The following LHFPL3 variants were observed in gnomAD, a reference collection of about 807,000 sequenced individuals.
LHFPL3 encodes LHFPL tetraspan subfamily member 3.
Under a neutral mutation model 19.3 loss-of-function variants are expected in LHFPL3, and 5 were observed. The ratio of observed to expected loss-of-function variants is 0.26; its 90% confidence interval spans 0.14 to 0.54. The LOEUF (loss-of-function observed/expected upper bound fraction) is 0.54, where lower values mean the gene tolerates loss of function less well. Among genes scored for constraint, LHFPL3 ranks in the 20% least tolerant of loss-of-function variants. The probability of loss-of-function intolerance (pLI) is 0.94; values close to 1 mark genes in which losing one functional copy is unlikely to be tolerated. For synonymous variants in LHFPL3, 133 were observed against 126.2 expected (o/e 1.05, Z -0.36); for missense variants, 249 against 307.4 (o/e 0.81, Z 1.42).
At position 104,328,903 on chromosome 7, in the gene LHFPL3, A is replaced by C; in HGVS notation, c.124A>C (p.Ile42Leu). Reference sequence around the variant, plus strand: ...GCGGGCCATCGGCGTGCTGTGGGCCATCTTCACCATCTGCTTTGCCATCGT... The same window carrying C: ...GCGGGCCATCGGCGTGCTGTGGGCCCTCTTCACCATCTGCTTTGCCATCGT... ...NSRAIGVLWA[I>L]FTICFAIVNV... The change falls in exon 1 of 3, where the codon ATC (isoleucine) becomes CTC (leucine). Residue 42 changes from isoleucine (I) to leucine (L), a missense_variant. Coordinates refer to ENST00000424859, the MANE Select transcript of LHFPL3 (RefSeq NM_199000.3). The surrounding 1 kb of genome is among the most constrained non-coding windows in gnomAD (Gnocchi z 4.6). 6.2e-7 allele frequency: 1 copy of C among 1,614,166 alleles called. No individual in the cohort carries two copies. The highest frequency in any genetic ancestry group is 8.5e-7 in the Non-Finnish European group (1 of 1,180,024).
At chr7:104,638,705 A>G (rs1433001573) in intron 1 of LHFPL3, among the ~76,000 whole-genome samples, 2 of 151,530 alleles carry the variant, frequency 1.3e-5, no homozygotes, top group East Asian at 1.9e-4. Context: ...ATTGATTTAC[A>G]TATGTTGAAC....
At chr7:104,439,493 A>G (rs1231862816) in intron 1 of LHFPL3, among the ~76,000 whole-genome samples, 1 of 152,204 alleles carries the variant, frequency 6.6e-6, no homozygotes, top group East Asian at 1.9e-4. Flanking sequence ...ATGATTTAAC[A>G]TTTAAAAATC....
rs183526229 is a variant in LHFPL3, at chr7:104,486,515, C to T, written c.445+157291C>T. 1.7e-4 allele frequency among the ~76,000 whole-genome samples: 26 copies of T among 152,272 alleles called. No homozygotes were observed. In the Middle Eastern group the frequency reaches 0.014, roughly 80 times the overall value. ...TGGTGATGCTTTCTGGCTGTGTCCT[C>T]ACATGGTGAGAGGAGTGAGGAGTCT... is the stretch of plus-strand genomic sequence containing the variant. On this transcript the variant is annotated intron_variant, in intron 1 of 2. Transcript: ENST00000424859.
At chr7:104,457,462 G>T (rs1792569825) in intron 1 of LHFPL3, among the ~76,000 whole-genome samples, 1 of 152,058 alleles carries the variant, frequency 6.6e-6, no homozygotes, top group Non-Finnish European at 1.5e-5. Context: ...TTTTATGGCT[G>T]CATAGTATTC....
At chr7:104,667,496 A>G (rs1468525217) in intron 1 of LHFPL3, among the ~76,000 whole-genome samples, 1 of 152,194 alleles carries the variant, frequency 6.6e-6, no homozygotes, top group Non-Finnish European at 1.5e-5. Context: ...TATAATTTAG[A>G]TTAGCTGCCC....
chr7:104,416,872 T>A (rs1791631958), intron 1 of LHFPL3, among the ~76,000 whole-genome samples: 1 of 152,160 alleles, frequency 6.6e-6, no homozygotes, highest in African/African-American at 2.4e-5. Flanking sequence ...TCTTGCTGCA[T>A]CATCCCATGG....
At chr7:104,569,803 C>A (rs144972396) in intron 1 of LHFPL3, among the ~76,000 whole-genome samples, 49 of 152,242 alleles carry the variant, frequency 3.2e-4, no homozygotes, top group African/African-American at 1.2e-3. Flanking sequence ...TGCTGAGTAA[C>A]TTGCCCCAGG....
At chr7:104,358,520 G>C (rs981247459) in intron 1 of LHFPL3, among the ~76,000 whole-genome samples, 4 of 152,174 alleles carry the variant, frequency 2.6e-5, no homozygotes, top group Non-Finnish European at 2.9e-5. Flanking sequence ...TGAGATGTAA[G>C]TTGTTTTAGC....
At chr7:104,492,604 A>G (rs1230205349) in intron 1 of LHFPL3, among the ~76,000 whole-genome samples, 2 of 152,252 alleles carry the variant, frequency 1.3e-5, no homozygotes, top group Non-Finnish European at 2.9e-5. Flanking sequence ...AATATTGTAC[A>G]CCAATAAGTA....
At chr7:104,869,791 C>T (rs797018625) in intron 2 of LHFPL3, among the ~76,000 whole-genome samples, 26 of 152,114 alleles carry the variant, frequency 1.7e-4, no homozygotes, top group East Asian at 1.3e-3. Context: ...CACATGCACA[C>T]GTATGTTTAT....
At chr7:104,692,658 C>T (rs544838049) in intron 1 of LHFPL3, among the ~76,000 whole-genome samples, 11 of 152,346 alleles carry the variant, frequency 7.2e-5, no homozygotes, top group East Asian at 1.9e-4. Flanking sequence ...AGCTTACACA[C>T]GGTGTTGGGC....
At chr7:104,381,289 C>T (rs981521092) in intron 1 of LHFPL3, among the ~76,000 whole-genome samples, 1 of 152,094 alleles carries the variant, frequency 6.6e-6, no homozygotes, top group Non-Finnish European at 1.5e-5. Context: ...TTTGAGCAGA[C>T]GTTAAACAGG....
intron 1 of LHFPL3, among the ~76,000 whole-genome samples, chr7:104,536,065 A>G (rs1562928421): frequency 1.3e-5 from 2 of 152,190 alleles, no homozygotes; most frequent in African/African-American, 2.4e-5. Context: ...CCACACCTGC[A>G]TCTGTAGCTG....
Position 104,482,080 on chromosome 7 carries a change from G to A in LHFPL3, c.445+152856G>A, listed in dbSNP as rs144228383. Among the ~76,000 whole-genome samples, 283 of 152,258 alleles carry A rather than the reference G, an allele frequency of 1.9e-3. 2 individuals carry two copies. The highest frequency in any genetic ancestry group is 2.9e-3 in the Non-Finnish European group (200 of 68,014). ...CTCCCCTCAGAGGTGGCCTGTGACTGGCAGCTGATTGATACAGAGGTACAA... is the reference window on the plus strand; with the variant it reads ...CTCCCCTCAGAGGTGGCCTGTGACTAGCAGCTGATTGATACAGAGGTACAA... On this transcript the variant is annotated intron_variant, in intron 1 of 2. Coordinates refer to ENST00000424859, the MANE Select transcript of LHFPL3 (RefSeq NM_199000.3).
chr7:104,797,534 T>A (rs917929185), intron 2 of LHFPL3, among the ~76,000 whole-genome samples: 9 of 152,174 alleles, frequency 5.9e-5, no homozygotes, highest in African/African-American at 2.2e-4. Flanking sequence ...CAGCCCATGA[T>A]GGAGATGAGC....
chr7:104,530,735 A>G (rs150640127), intron 1 of LHFPL3, among the ~76,000 whole-genome samples: 2,425 of 152,306 alleles, frequency 0.016, 36 homozygotes, highest in Non-Finnish European at 0.023. Flanking sequence ...CGTATTGTGC[A>G]GTTGTAATAG....
At chr7:104,473,711 G>C (rs902192704) in intron 1 of LHFPL3, among the ~76,000 whole-genome samples, 3 of 152,228 alleles carry the variant, frequency 2.0e-5, no homozygotes, top group Admixed American at 2.0e-4. Flanking sequence ...TGGTGTGGGA[G>C]TTAGATGAGA....
At chr7:104,874,895 G>C (rs1333498723) in intron 2 of LHFPL3, among the ~76,000 whole-genome samples, 1 of 150,316 alleles carries the variant, frequency 6.7e-6, no homozygotes, top group African/African-American at 2.4e-5. Flanking sequence ...CACCCAGGCT[G>C]GAGAGCAGTG....
At chr7:104,796,341 A>G (rs1039023684) in intron 2 of LHFPL3, among the ~76,000 whole-genome samples, 1 of 152,360 alleles carries the variant, frequency 6.6e-6, no homozygotes, top group African/African-American at 2.4e-5. Flanking sequence ...AAGCAGAGAT[A>G]TCGAGAACTG....
Sources: allele counts gnomAD v4.1 joint callset (sites outside exome capture counted in the v4.1 genomes callset), GRCh38; gene constraint gnomAD v4.1.1; non-coding constraint Gnocchi (gnomAD v3.1); transcripts MANE v1.5; gene names NCBI Gene and HGNC (gene_info 2026-07-23, HGNC 2026-07-21).